Variants in DPYD observed in about 807,000 individuals in gnomAD.
DPYD encodes the protein dihydropyrimidine dehydrogenase.
A neutral mutation model predicts 116.2 loss-of-function variants in DPYD; 109 were observed. That is an observed-to-expected ratio of 0.94 (90% CI 0.80 to 1.10). The LOEUF is 1.10. DPYD is among the 50% of genes least tolerant of loss of function. The pLI is 0.00. For synonymous variants in DPYD, 440 were observed against 432.0 expected, an observed-to-expected ratio of 1.02 and a Z score of -0.23; for missense variants, 1,302 against 1,254.5, an observed-to-expected ratio of 1.04 and a Z score of -0.57.
intron 13 of DPYD, among the ~76,000 whole-genome samples, chr1:97,473,269 G>T (rs1190075640): frequency 1.3e-5 from 2 of 152,130 alleles, no homozygotes; most frequent in Non-Finnish European, 2.9e-5. Flanking sequence ...TTAGCATAAT[G>T]TCTTCTAGGT....
At chr1:97,811,935 T>C (rs1668367909) in intron 3 of DPYD, among the ~76,000 whole-genome samples, 1 of 152,180 alleles carries the variant, frequency 6.6e-6, no homozygotes, top group African/African-American at 2.4e-5. Context: ...TCATTAAGAT[T>C]AGAAAATCAC....
chr1:97,695,299 A>G (rs1319555133), intron 6 of DPYD, among the ~76,000 whole-genome samples: 1 of 151,254 alleles, frequency 6.6e-6, no homozygotes, highest in African/African-American at 2.4e-5. Context: ...AATAATTATT[A>G]CTGGTTATTG....
chr1:97,445,180 A>C (rs1176683700), intron 14 of DPYD, among the ~76,000 whole-genome samples: 1 of 152,216 alleles, frequency 6.6e-6, no homozygotes, highest in Non-Finnish European at 1.5e-5. Context: ...TCATAACTAC[A>C]GATTTGATTG....
At chr1:97,107,454 A>C (rs1032788324) in intron 20 of DPYD, among the ~76,000 whole-genome samples, 2 of 152,078 alleles carry the variant, frequency 1.3e-5, no homozygotes, top group African/African-American at 4.8e-5. Flanking sequence ...AGGGGAGGTG[A>C]CATGGGGAAA....
chr1:97,337,403 C>T (rs770694865), intron 16 of DPYD, among the ~76,000 whole-genome samples: 2 of 152,154 alleles, frequency 1.3e-5, no homozygotes, highest in African/African-American at 4.8e-5. Flanking sequence ...TCAAATACCT[C>T]GTGTTATGCT....
intron 20 of DPYD, among the ~76,000 whole-genome samples, chr1:97,171,412 G>T (rs1466481430): frequency 1.3e-5 from 2 of 152,162 alleles, no homozygotes; most frequent in African/African-American, 4.8e-5. Flanking sequence ...ATCTTAATCT[G>T]CTCTCTGCCA....
chr1:97,218,272 T>C (rs1660547374), intron 19 of DPYD, among the ~76,000 whole-genome samples: 1 of 152,044 alleles, frequency 6.6e-6, no homozygotes, highest in Non-Finnish European at 1.5e-5. Context: ...TTGTAATCCT[T>C]AAATTTACAC....
At position 97,593,319 on chromosome 1, in the gene DPYD, T is replaced by A. The variant is rs886046580; in HGVS notation, c.1027A>T (p.Thr343Ser). 6.2e-7 allele frequency: 1 copy of A among 1,614,112 alleles called. No homozygotes were observed. Among genetic ancestry groups the A allele is most frequent in the Non-Finnish European group, 8.5e-7 (1 of 1,180,012 alleles). ...GVVIVLGAGD[T>S]AFDCATSALR... ...GCAGATGTTGCACAGTCAAAGGCAG[T>A]GTCTCCAGCTCCAAGTACAATCACG... The change falls in exon 10 of 23, where the codon ACT (threonine) becomes TCT (serine). Residue 343 changes from threonine (T) to serine (S), a missense_variant. Coordinates refer to ENST00000370192, the MANE Select transcript of DPYD (RefSeq NM_000110.4).
intron 18 of DPYD, among the ~76,000 whole-genome samples, chr1:97,297,983 T>G (rs1666633117): frequency 6.6e-6 from 1 of 152,144 alleles, no homozygotes; most frequent in South Asian, 2.1e-4. Context: ...TGAATGTTAT[T>G]CCCTACTCTG....
intron 4 of DPYD, among the ~76,000 whole-genome samples, chr1:97,738,661 AC>A (rs1366341963): frequency 2.0e-5 from 3 of 151,868 alleles, no homozygotes; most frequent in African/African-American, 7.3e-5. Flanking sequence ...TATGATTGCT[AC>A]AGTGATCCTT....
intron 20 of DPYD, among the ~76,000 whole-genome samples, chr1:97,113,719 C>A (rs1651768097): frequency 6.6e-6 from 1 of 152,028 alleles, no homozygotes; most frequent in Non-Finnish European, 1.5e-5. Flanking sequence ...AAAAGCACAG[C>A]TCTATATTTC....
At chr1:97,571,462 C>T (rs1652889598) in intron 11 of DPYD, among the ~76,000 whole-genome samples, 1 of 151,740 alleles carries the variant, frequency 6.6e-6, no homozygotes, top group South Asian at 2.1e-4. Flanking sequence ...TCATAAAATG[C>T]AGAAAATATA....
At chr1:97,565,506 G>GTAACCACACACCATCTGGTCCAGCA (rs1159471925) in intron 11 of DPYD, among the ~76,000 whole-genome samples, 1 of 151,946 alleles carries the variant, frequency 6.6e-6, no homozygotes, top group African/African-American at 2.4e-5. Context: ...CTACCCTTAT[G>GTAACCACACACCATCTGGTCCAGCA]TAACCACACA....
chr1:97,607,150 T>C (rs1320344347), intron 8 of DPYD, among the ~76,000 whole-genome samples: 2 of 151,960 alleles, frequency 1.3e-5, no homozygotes, highest in Non-Finnish European at 2.9e-5. Context: ...ATAGCACTTA[T>C]ACTAAGATAC....
chr1:97,142,334 T>C (rs1654287738), intron 20 of DPYD, among the ~76,000 whole-genome samples: 1 of 152,102 alleles, frequency 6.6e-6, no homozygotes, highest in Non-Finnish European at 1.5e-5. Context: ...TTCTGACAAA[T>C]ATATTTTATA....
At chr1:97,613,232 A>G (rs1453747642) in intron 8 of DPYD, among the ~76,000 whole-genome samples, 3 of 152,002 alleles carry the variant, frequency 2.0e-5, no homozygotes, top group African/African-American at 7.2e-5. Context: ...TTGAATGTAA[A>G]GTCTATTTGT....
chr1:97,446,912 T>C (rs1676116455), intron 14 of DPYD, among the ~76,000 whole-genome samples: 1 of 152,084 alleles, frequency 6.6e-6, no homozygotes, highest in African/African-American at 2.4e-5. Context: ...AAATTGTCAC[T>C]ACAATGATCA....
At chr1:97,767,297 C>CA (rs1465148766) in intron 3 of DPYD, among the ~76,000 whole-genome samples, 4 of 152,126 alleles carry the variant, frequency 2.6e-5, no homozygotes, top group African/African-American at 9.7e-5. Context: ...AGACTTGAGA[C>CA]AAAATGAGTC....
chr1:97,146,640 AT>A (rs1654653600), intron 20 of DPYD, among the ~76,000 whole-genome samples: 1 of 152,140 alleles, frequency 6.6e-6, no homozygotes, highest in Non-Finnish European at 1.5e-5. Flanking sequence ...TTTTCTAGCC[AT>A]TTTTTAAACC....
Sources: allele counts gnomAD v4.1 joint callset (sites outside exome capture counted in the v4.1 genomes callset), GRCh38; gene constraint gnomAD v4.1.1; transcripts MANE v1.5; gene names NCBI Gene and HGNC (gene_info 2026-07-23, HGNC 2026-07-21).